Variants in KIR2DL3 observed in about 807,000 individuals in gnomAD.
KIR2DL3 encodes killer cell immunoglobulin-like receptor 2DL3.
A neutral mutation model predicts 33.8 loss-of-function variants in KIR2DL3; 39 were observed. The observed-to-expected ratio is 1.15, with a 90% CI of 0.89 to 1.51. KIR2DL3 has a LOEUF of 1.51. KIR2DL3 is among the 40% of genes most tolerant of loss of function. The probability of loss-of-function intolerance (pLI) is 0.00; values close to 1 mark genes in which losing one functional copy is unlikely to be tolerated. For synonymous variants in KIR2DL3, 174 were observed against 160.2 expected (o/e 1.09, Z -0.65); for missense variants, 462 against 426.2 (o/e 1.08, Z -0.74).
chr19:54,751,567 C>T lies in KIR2DL3; in HGVS notation c.716-82C>T. On this transcript the variant is annotated intron_variant, in intron 5 of 7. Coordinates refer to ENST00000342376, the MANE Select transcript of KIR2DL3 (RefSeq NM_015868.3). ...CCTAAAGGGGTGTTGTATGTGGTTACCTGTCAATCAAGAAATGTGAGACAA... is the reference window on the plus strand; with the variant it reads ...CCTAAAGGGGTGTTGTATGTGGTTATCTGTCAATCAAGAAATGTGAGACAA... 10 of 1,160,026 alleles carry T rather than the reference C, an allele frequency of 8.6e-6. 1 individual carries two copies. Among genetic ancestry groups the T allele is most frequent in the Admixed American group, 1.9e-5 (1 of 52,448 alleles). 71.9% of individuals were successfully genotyped at this position (1,160,026 alleles called of 1,614,324 possible).
At chr19:54,742,592 T>A (rs686298) in intron 3 of KIR2DL3, among the ~76,000 whole-genome samples, 7,732 of 108,546 alleles carry the variant, frequency 0.071, no homozygotes, top group South Asian at 0.12. Context: ...CTGGCACAGG[T>A]TAGAAGTTTC....
At chr19:54,738,667 T>C (rs569481537) in intron 1 of KIR2DL3, 88 bp downstream of exon 1, 5 of 1,598,426 alleles carry the variant, frequency 3.1e-6, no homozygotes, top group Non-Finnish European at 3.4e-6. Context: ...AGTGGAGTTA[T>C]GGGCCTAGAG....
intron 4 of KIR2DL3, among the ~76,000 whole-genome samples, chr19:54,745,355 A>C (rs373234018): frequency 7.9e-6 from 1 of 126,408 alleles, no homozygotes; most frequent in Non-Finnish European, 1.8e-5. Flanking sequence ...CTTTTTAGTT[A>C]TTCGTTTGTT....
At chr19:54,739,032 G>C (rs2070422626) in intron 1 of KIR2DL3, among the ~76,000 whole-genome samples, 2 of 146,864 alleles carry the variant, frequency 1.4e-5, no homozygotes, top group Non-Finnish European at 3.0e-5. Context: ...CTGGAGTGGA[G>C]ATATGGGCCA....
At chr19:54,752,165 A>G in intron 6 of KIR2DL3, 51 bp from the exon 7 acceptor site, 1 of 1,447,750 alleles carries the variant, frequency 6.9e-7, no homozygotes, top group Non-Finnish European at 9.4e-7. Context: ...TTATGAAATG[A>G]GGGCCCAGAA....
At position 54,751,286 on chromosome 19, in the gene KIR2DL3, C is replaced by T. The variant is rs184179090; in HGVS notation, c.716-363C>T. Among the ~76,000 whole-genome samples the T allele has an allele frequency of 3.4e-4, 44 of 131,308 alleles. 8 individuals carry two copies. In the East Asian group the frequency reaches 8.6e-3, roughly 26 times the overall value. 86.1% of individuals were successfully genotyped at this position (131,308 alleles called of 152,430 possible). On this transcript the variant is annotated intron_variant, in intron 5 of 7. Transcript: ENST00000342376. ...TTTTGAACAACCAGCTCTCCAGGAA[C>T]TAATAGAAGGGGAACTTGCTAACCC...
At position 54,744,188 on chromosome 19, in the gene KIR2DL3, G is replaced by T; in HGVS notation, c.664+100G>T. On this transcript the variant is annotated intron_variant, in intron 4 of 7. Transcript: ENST00000342376. Reference sequence around the variant, plus strand: ...AGAGAAGCATGGACAGATGCAGAGAGAAGACGAAGCTTGGGTGTGAGGGAG... The same window carrying T: ...AGAGAAGCATGGACAGATGCAGAGATAAGACGAAGCTTGGGTGTGAGGGAG... 1.9e-6 allele frequency: 3 copies of T among 1,548,804 alleles called. No homozygotes were observed. In the South Asian group the frequency reaches 3.4e-5, roughly 18 times the overall value.
In KIR2DL3 at chr19:54,744,100, C is replaced by A; in HGVS notation, c.664+12C>A. The A allele has an allele frequency of 6.2e-7, 1 of 1,613,998 alleles. No homozygotes were observed. The highest frequency in any genetic ancestry group is 8.5e-7 in the Non-Finnish European group (1 of 1,179,962). On this transcript the variant is annotated intron_variant, in intron 4 of 7. Coordinates refer to ENST00000342376, the MANE Select transcript of KIR2DL3 (RefSeq NM_015868.3). ...TGTTTCTGTCACAGGTGAGGAAACC[C>A]CATATCTGTCTCATGTCCTATGATC...
At position 54,751,874 on chromosome 19, in the gene KIR2DL3, G is replaced by C. The variant is rs1436604309; in HGVS notation, c.820+121G>C. On this transcript the variant is annotated intron_variant, in intron 6 of 7. Coordinates refer to ENST00000342376, the MANE Select transcript of KIR2DL3 (RefSeq NM_015868.3). ...CCTGGCCCAAGGCAGCAGCCACAGA[G>C]GGAGGACTTTCTAGAGAGAGCACCA... is the stretch of plus-strand genomic sequence containing the variant. 27 of 896,478 alleles carry C rather than the reference G, an allele frequency of 3.0e-5. 6 individuals are homozygous for C. Among genetic ancestry groups the C allele is most frequent in the Non-Finnish European group, 4.2e-5 (25 of 596,896 alleles). 55.5% of individuals were successfully genotyped at this position (896,478 alleles called of 1,614,324 possible).
In KIR2DL3 at chr19:54,742,253, G is replaced by T. The variant is rs1395561727; in HGVS notation, c.344G>T (p.Ser115Ile). ...THSPYQLSAP[S>I]DPLDIVITGL... ...TCCCCCTATCAGTTGTCAGCTCCCA[G>T]TGACCCTCTGGACATCGTCATCACA... Residue 115 changes from serine to isoleucine, a missense_variant, in exon 3 of 8, where the codon AGT becomes ATT. Physicochemically the swap from Ser to Ile is moderately radical, Grantham distance 142. Transcript: ENST00000342376. 3 of 1,614,202 alleles carry T rather than the reference G, an allele frequency of 1.9e-6. No homozygotes were observed. Among genetic ancestry groups the T allele is most frequent in the Non-Finnish European group, 2.5e-6 (3 of 1,180,032 alleles).
At chr19:54,751,515 TG>T in intron 5 of KIR2DL3, 133 bp from the exon 6 acceptor site, 1 of 760,066 alleles carries the variant, frequency 1.3e-6, no homozygotes. Flanking sequence ...AGGAGAAAGC[TG>T]GGTCTCCCTC....
At chr19:54,745,535 G>C (rs1282055820) in intron 4 of KIR2DL3, among the ~76,000 whole-genome samples, 1 of 150,746 alleles carries the variant, frequency 6.6e-6, no homozygotes, top group African/African-American at 2.4e-5. Flanking sequence ...GCTACTTTTT[G>C]TTTTTTTTAG....
At chr19:54,740,545 G>T (rs570604550) in intron 2 of KIR2DL3, among the ~76,000 whole-genome samples, 3 of 151,628 alleles carry the variant, frequency 2.0e-5, no homozygotes, top group African/African-American at 7.3e-5. Context: ...GGTGATCGTG[G>T]TCATAGGTCA....
At chr19:54,742,946 G>T (rs1175786985) in intron 3 of KIR2DL3, among the ~76,000 whole-genome samples, 1 of 151,880 alleles carries the variant, frequency 6.6e-6, no homozygotes, top group African/African-American at 2.4e-5. Context: ...CCAGAGGAAG[G>T]AGATTGAGAG....
intron 3 of KIR2DL3, among the ~76,000 whole-genome samples, chr19:54,743,305 C>A (rs1268526313): frequency 1.3e-5 from 2 of 151,854 alleles, no homozygotes; most frequent in East Asian, 3.9e-4. Context: ...AGACAGAAAT[C>A]ATAGAGAGAG....
intron 4 of KIR2DL3, among the ~76,000 whole-genome samples, chr19:54,744,888 A>ATTT (rs1335395667): frequency 1.9e-5 from 1 of 51,896 alleles, no homozygotes; most frequent in African/African-American, 7.6e-5. Flanking sequence ...ATATATATAT[A>ATTT]TATATATATA....
At chr19:54,749,281 A>G (rs1198853760) in intron 5 of KIR2DL3, among the ~76,000 whole-genome samples, 1 of 149,106 alleles carries the variant, frequency 6.7e-6, no homozygotes, top group East Asian at 1.9e-4. Flanking sequence ...GAATCCCTAC[A>G]TGATTAATAT....
At chr19:54,747,234 T>A (rs1316473088) in intron 4 of KIR2DL3, 101 bp from the exon 5 acceptor site, 21 of 1,448,992 alleles carry the variant, frequency 1.4e-5, no homozygotes, top group Non-Finnish European at 2.0e-5. Flanking sequence ...GGGCCCAATA[T>A]TAGATAACAG....
At position 54,752,618 on chromosome 19, in the gene KIR2DL3, A is replaced by G; in HGVS notation, c.*99A>G. 1 of 1,361,824 alleles carries G rather than the reference A, an allele frequency of 7.3e-7. No homozygotes were observed. Among genetic ancestry groups the G allele is most frequent in the Non-Finnish European group, 1.0e-6 (1 of 985,832 alleles). 84.4% of individuals were successfully genotyped at this position (1,361,824 alleles called of 1,614,324 possible). A position where few individuals can be genotyped will look rare whatever the true frequency, so the allele number is the denominator to read the frequency against. On this transcript the variant is annotated 3_prime_UTR_variant, in exon 8 of 8. Coordinates refer to ENST00000342376, the MANE Select transcript of KIR2DL3 (RefSeq NM_015868.3). ...TCTCAAAACTGGGTTGCCAGCTCCA[A>G]TGTACCAGCAGCTGGAATCTGAAGG... is the stretch of plus-strand genomic sequence containing the variant.
Sources: gnomAD v4.1 joint callset for allele counts (sites outside exome capture counted in the v4.1 genomes callset) on GRCh38, gnomAD v4.1.1 for gene constraint, MANE v1.5 for transcripts, NCBI Gene and HGNC (gene_info 2026-07-23, HGNC 2026-07-21) for gene names.